The following LIG3 variants were observed in gnomAD, a reference collection of about 807,000 sequenced individuals.
LIG3 encodes the protein ligase II, DNA, ATP-dependent.
In LIG3, 58 loss-of-function variants were observed where a neutral mutation model predicts 110.9. The observed-to-expected ratio is 0.52, with a 90% CI of 0.42 to 0.65. The LOEUF is 0.65. Ranked by LOEUF, LIG3 falls within the 30% of genes least tolerant of loss-of-function variation. The pLI, the probability that LIG3 is intolerant of heterozygous loss-of-function variation, is 0.00. For missense variants in LIG3, 1,094 were observed against 1,273.8 expected (o/e 0.86, Z 2.15); for synonymous variants, 422 against 472.8 (o/e 0.89, Z 1.39).
rs2090568221 is a variant in LIG3, at chr17:34,980,515, C to G, written c.-112C>G. The G allele has an allele frequency of 7.8e-7, 1 of 1,275,916 alleles. No homozygotes were observed. The highest frequency in any genetic ancestry group is 1.0e-6 in the Non-Finnish European group (1 of 978,600). 79.0% of individuals were successfully genotyped at this position (1,275,916 alleles called of 1,614,324 possible). Reference sequence around the variant, plus strand: ...TTGCGCCTGCGCGCTGCCTCCCGCTCTAGGACCCGGATTTAAAGAGACAGG... The same window carrying G: ...TTGCGCCTGCGCGCTGCCTCCCGCTGTAGGACCCGGATTTAAAGAGACAGG... On this transcript the variant is annotated 5_prime_UTR_variant, in exon 1 of 20. Coordinates refer to ENST00000378526, the MANE Select transcript of LIG3 (RefSeq NM_013975.4).
rs1466568138 is a variant in LIG3 at position 34,980,642 on chromosome 17, G to T, written c.-5+20G>T. The T allele has an allele frequency of 8.1e-7, 1 of 1,237,534 alleles. No individual in the cohort carries two copies. The highest frequency in any genetic ancestry group is 1.0e-6 in the Non-Finnish European group (1 of 961,598). The allele number at this position is 1,237,534 out of a possible 1,614,324, so 76.7% of individuals were successfully genotyped here. A position where few individuals can be genotyped will look rare whatever the true frequency, so the allele number is the denominator to read the frequency against. ...AGGCAGGTGAGGGGCTACGCGGCGC[G>T]GCACGGCGCGGCGGGGCCCGGCGTG... is the stretch of plus-strand genomic sequence containing the variant. On this transcript the variant is annotated intron_variant, in intron 1 of 19. Coordinates refer to ENST00000378526, the MANE Select transcript of LIG3 (RefSeq NM_013975.4).
rs1273781097 is a variant in LIG3, at chr17:35,006,003, T to C, written c.*1497T>C. The C allele has an allele frequency of 4.1e-6, 1 of 246,904 alleles. No individual in the cohort carries two copies. Among genetic ancestry groups the C allele is most frequent in the African/African-American group, 2.3e-5 (1 of 43,680 alleles). The allele number at this position is 246,904 out of a possible 1,614,324, so 15.3% of individuals were successfully genotyped here. On this transcript the variant is annotated 3_prime_UTR_variant, in exon 20 of 20. Coordinates refer to ENST00000378526, the MANE Select transcript of LIG3 (RefSeq NM_013975.4). ...AACAATGTTGAGTGGCATTTTCTTC[T>C]TAGTTTTTAATTTCTTAAAGAAAAT...
rs1567693024 is a variant in LIG3, at chr17:34,999,047, A to G, written c.2114-260A>G. On this transcript the variant is annotated intron_variant, in intron 14 of 19. Transcript: ENST00000378526. Reference sequence around the variant, plus strand: ...GGAAGCTGGAGTCTGAGGAACTAATACTTTTAAGCAATCTATCATGTGTCC... The same window carrying G: ...GGAAGCTGGAGTCTGAGGAACTAATGCTTTTAAGCAATCTATCATGTGTCC... The G allele has an allele frequency of 7.8e-6, 4 of 515,178 alleles. No individual in the cohort carries two copies. In the Admixed American group the frequency reaches 1.4e-4, roughly 18 times the overall value. 31.9% of individuals were successfully genotyped at this position (515,178 alleles called of 1,614,324 possible).
chr17:35,005,360 A>G lies in LIG3; in HGVS notation c.*854A>G, dbSNP rs1226888758. ...CGAGTGTTCCAACCTGAAGTTGAAG[A>G]AGCCACCCTGGCTGCACATGCCATC... On this transcript the variant is annotated 3_prime_UTR_variant, in exon 20 of 20. Coordinates refer to ENST00000378526, the MANE Select transcript of LIG3 (RefSeq NM_013975.4). 1.8e-6 allele frequency: 1 copy of G among 556,854 alleles called. No individual in the cohort carries two copies. The highest frequency in any genetic ancestry group is 4.8e-5 in the East Asian group (1 of 20,858). 34.5% of individuals were successfully genotyped at this position (556,854 alleles called of 1,614,324 possible). A position where few individuals can be genotyped will look rare whatever the true frequency, so the allele number is the denominator to read the frequency against.
intron 8 of LIG3, among the ~76,000 whole-genome samples, 179 bp downstream of exon 8, chr17:34,992,871 C>T (rs1275041579): frequency 6.6e-6 from 1 of 152,100 alleles, no homozygotes; most frequent in Non-Finnish European, 1.5e-5. Context: ...AAGGAGAAGA[C>T]AGAGGATCTA....
At chr17:34,982,163 G>C (rs1238257571) in intron 1 of LIG3, among the ~76,000 whole-genome samples, 1 of 152,122 alleles carries the variant, frequency 6.6e-6, no homozygotes, top group Non-Finnish European at 1.5e-5. Context: ...TTATACAGCT[G>C]GTAAGTGGCT....
Position 35,005,192 on chromosome 17 carries a change from A to T in LIG3, c.*686A>T. 2.4e-6 allele frequency: 1 copy of T among 418,504 alleles called. No individual in the cohort carries two copies. The highest frequency in any genetic ancestry group is 1.8e-5 in the South Asian group (1 of 56,372). 25.9% of individuals were successfully genotyped at this position (418,504 alleles called of 1,614,324 possible). ...TTGGGCCACTCCTCTGGAGGGATAG[A>T]GGGCTCCAGGAAGATCTGCATCCCC... On this transcript the variant is annotated 3_prime_UTR_variant, in exon 20 of 20. Coordinates refer to ENST00000378526, the MANE Select transcript of LIG3 (RefSeq NM_013975.4).
At position 35,004,468 on chromosome 17, in the gene LIG3, G is replaced by A. The variant is rs780796713; in HGVS notation, c.2992G>A (p.Ala998Thr). 1.4e-5 allele frequency: 23 copies of A among 1,614,002 alleles called. No individual in the cohort carries two copies. The highest frequency in any genetic ancestry group is 2.7e-5 in the African/African-American group (2 of 74,918). The change falls in exon 20 of 20, where the codon GCA (alanine) becomes ACA (threonine). Residue 998 changes from alanine (A) to threonine (T), a missense_variant. Ala to Thr is a moderately conservative substitution (Grantham distance 58, BLOSUM62 0). Transcript: ENST00000378526. ...AQQVSPEWIWACIRKRRLVAP... is the reference protein window; with the variant it reads ...AQQVSPEWIWTCIRKRRLVAP... ...GCAGGTCTCCCCAGAGTGGATTTGG[G>A]CATGTATCCGGAAACGGAGACTGGT...
At chr17:34,985,830 C>G (rs1487812318) in intron 2 of LIG3, 158 bp from the exon 3 acceptor site, 1 of 610,602 alleles carries the variant, frequency 1.6e-6, no homozygotes, top group Non-Finnish European at 2.9e-6. Flanking sequence ...TTACCTACTA[C>G]CCCCACTCAA....
Position 35,005,991 on chromosome 17 carries a change from G to A in LIG3, c.*1485G>A. On this transcript the variant is annotated 3_prime_UTR_variant, in exon 20 of 20. Transcript: ENST00000378526. ...ATTGATAATACCAACAATGTTGAGT[G>A]GCATTTTCTTCTTAGTTTTTAATTT... is the stretch of plus-strand genomic sequence containing the variant. The A allele has an allele frequency of 4.1e-6, 1 of 242,120 alleles. No homozygotes were observed. 15.0% of individuals were successfully genotyped at this position (242,120 alleles called of 1,614,324 possible). A position where few individuals can be genotyped will look rare whatever the true frequency, so the allele number is the denominator to read the frequency against.
At chr17:34,981,502 C>T (rs1284852423) in intron 1 of LIG3, 3 of 152,228 alleles carry the variant, frequency 2.0e-5, no homozygotes, top group Non-Finnish European at 4.4e-5. Flanking sequence ...CAGCCTCCCT[C>T]CCCCACAACC....
chr17:34,993,530 G>T (rs2090747546), intron 8 of LIG3, among the ~76,000 whole-genome samples: 2 of 152,280 alleles, frequency 1.3e-5, no homozygotes, highest in South Asian at 4.2e-4. Context: ...TCTATAGTTT[G>T]TCATTTAAAG....
At chr17:34,999,562 G>T in intron 15 of LIG3, 113 bp downstream of exon 15, 1 of 1,372,602 alleles carries the variant, frequency 7.3e-7, no homozygotes. Flanking sequence ...AAGGGTTGCA[G>T]CTTGCTCAGG....
rs199702205 is a variant in LIG3, at chr17:35,004,366, G to A, written c.2890G>A (p.Gly964Arg). Residue 964 changes from glycine to arginine, a missense_variant, in exon 20 of 20, where the codon GGG (glycine) becomes AGG (arginine). Coordinates refer to ENST00000378526, the MANE Select transcript of LIG3 (RefSeq NM_013975.4). ...RLRRYFVAFD[G>R]DLVQEFDMTS... ...CAGACGCTACTTTGTGGCATTCGAC[G>A]GGGACCTGGTACAGGAATTTGATAT... 10 of 1,614,188 alleles carry A rather than the reference G, an allele frequency of 6.2e-6. No homozygotes were observed. The highest frequency in any genetic ancestry group is 2.2e-5 in the South Asian group (2 of 91,078).
intron 15 of LIG3, 96 bp from the exon 16 acceptor site, chr17:34,999,686 G>C (rs2090818989): frequency 8.8e-6 from 11 of 1,253,970 alleles, no homozygotes; most frequent in Non-Finnish European, 1.0e-5. Context: ...AACATCAGCT[G>C]TTTAAGTGGC....
intron 18 of LIG3, 96 bp downstream of exon 18, chr17:35,002,200 C>G (rs2090850860): frequency 3.7e-6 from 4 of 1,076,460 alleles, no homozygotes; most frequent in South Asian, 3.5e-5. Context: ...GCCCTGAGAT[C>G]TCATGATTAT....
intron 7 of LIG3, 79 bp downstream of exon 7, chr17:34,992,114 G>A: frequency 7.9e-7 from 1 of 1,257,884 alleles, no homozygotes; most frequent in Non-Finnish European, 1.2e-6. Context: ...GGACTTTTGA[G>A]TCCCAGTCAG....
intron 11 of LIG3, 151 bp downstream of exon 11, chr17:34,996,804 G>T (rs3136001): frequency 4.5e-6 from 3 of 673,440 alleles, no homozygotes; most frequent in Non-Finnish European, 5.3e-6. Flanking sequence ...AAAGGCAATG[G>T]CAAGAGGGAG....
intron 13 of LIG3, 144 bp downstream of exon 13, chr17:34,998,440 A>G: frequency 1.8e-6 from 2 of 1,101,086 alleles, no homozygotes; most frequent in East Asian, 2.4e-5. Context: ...TGTGTCCTGG[A>G]TCTGGAGGAC....
Sources: allele counts gnomAD v4.1 joint callset (sites outside exome capture counted in the v4.1 genomes callset), GRCh38; gene constraint gnomAD v4.1.1; transcripts MANE v1.5; gene names NCBI Gene and HGNC (gene_info 2026-07-23, HGNC 2026-07-21).